Variants in CDH5 observed in about 807,000 individuals in gnomAD.
CDH5 encodes the protein cadherin 5, also known as cadherin-5.
In CDH5, 28 loss-of-function variants were observed where a neutral mutation model predicts 62.0. That is an observed-to-expected ratio of 0.45 (90% CI 0.33 to 0.62). The LOEUF is 0.62. CDH5 is among the 20% of genes least tolerant of loss of function. CDH5 has a pLI of 0.02. For synonymous variants in CDH5, 464 were observed against 445.8 expected, an observed-to-expected ratio of 1.04 and a Z score of -0.52; for missense variants, 940 against 1,065.1, an observed-to-expected ratio of 0.88 and a Z score of 1.63.
intron 10 of CDH5, 152 bp from the exon 11 acceptor site, chr16:66,400,619 A>T: frequency 1.2e-6 from 1 of 832,774 alleles, no homozygotes; most frequent in Non-Finnish European, 2.0e-6. Flanking sequence ...CTGCACTCAG[A>T]TGGCTGAAAC....
At chr16:66,388,289 C>A in intron 3 of CDH5, 35 bp from the exon 4 acceptor site, 2 of 1,404,270 alleles carry the variant, frequency 1.4e-6, no homozygotes, top group Non-Finnish European at 2.0e-6. Context: ...GCCTAGCAGT[C>A]ACAAGTCAGC....
rs987565524 is a variant in CDH5, at chr16:66,403,428, AC to A, written c.*262del. On this transcript the variant is annotated 3_prime_UTR_variant, in exon 12 of 12. Transcript: ENST00000341529. The surrounding 1 kb of genome is among the most constrained non-coding windows in gnomAD (Gnocchi z 4.3). ...CTGTCTGGGCTCAGACATCCACATA[AC>A]CCTGTCACCCACAGACCGCCGTCTA... 1 of 505,000 alleles carries A rather than the reference AC, an allele frequency of 2.0e-6. No individual in the cohort carries two copies. Among genetic ancestry groups the A allele is most frequent in the Non-Finnish European group, 3.6e-6 (1 of 280,108 alleles). The allele number at this position is 505,000 out of a possible 1,614,324, so 31.3% of individuals were successfully genotyped here. A position where few individuals can be genotyped will look rare whatever the true frequency, so the allele number is the denominator to read the frequency against.
rs766406308 is a variant in CDH5, at chr16:66,400,933, CCTT to C, written c.1757_1759del (p.Phe586del). 1.2e-5 allele frequency: 19 copies of C among 1,614,090 alleles called. No individual in the cohort carries two copies. In the Admixed American group the frequency reaches 3.2e-4, roughly 27 times the overall value. On this transcript the variant is annotated inframe_deletion, in exon 11 of 12. Transcript: ENST00000341529. The stretch of plus-strand genomic sequence containing the variant: ...AAGTGCAACGAGCAGGGCGAGTTCA[CCTT>C]CTGCGAGGATATGGCCGCCCAGGTG...
At chr16:66,400,185 C>A (rs9934228) in intron 10 of CDH5, among the ~76,000 whole-genome samples, 1 of 152,138 alleles carries the variant, frequency 6.6e-6, no homozygotes, top group South Asian at 2.1e-4. Context: ...GGAAGGTGGG[C>A]GGGGCCAATA....
Position 66,400,958 on chromosome 16 carries a change from G to A in CDH5, c.1779G>A (p.Gln593=), listed in dbSNP as rs776655400. The A allele has an allele frequency of 4.3e-6, 7 of 1,614,172 alleles. 1 individual carries two copies. Among genetic ancestry groups the A allele is most frequent in the South Asian group, 2.2e-5 (2 of 91,088 alleles). ...CCTTCTGCGAGGATATGGCCGCCCA[G>A]GTGGGCGTGAGCATCCAGGCAGTGG... ...EFTFCEDMAA[Q]VGVSIQAVVA... Residue 593 remains glutamine, a synonymous_variant, in exon 11 of 12, where the codon CAG becomes CAA. Transcript: ENST00000341529.
Position 66,386,946 on chromosome 16 carries a change from C to T in CDH5, c.348C>T (p.Tyr116=), listed in dbSNP as rs1960995178. The change falls in exon 3 of 12, where the codon TAC becomes TAT. Residue 116 remains tyrosine (Y), a synonymous_variant. Coordinates refer to ENST00000341529, the MANE Select transcript of CDH5 (RefSeq NM_001795.5). Reference sequence around the variant, plus strand: ...TGGACCGGGAGAATATCTCAGAGTACCACCTCACTGCTGTCATTGTGGACA... The same window carrying T: ...TGGACCGGGAGAATATCTCAGAGTATCACCTCACTGCTGTCATTGTGGACA... ...ERLDRENISE[Y]HLTAVIVDKD... is the part of the protein sequence containing the mutation. 6.2e-7 allele frequency: 1 copy of T among 1,614,210 alleles called. No individual in the cohort carries two copies.
rs753946195 is a variant in CDH5, at chr16:66,392,365, C to T, written c.1199C>T (p.Ala400Val). The stretch of plus-strand genomic sequence containing the variant: ...ACAGTGCTGGCCATGGACCCTGATG[C>T]GGCTAGGCATAGCATTGGGTAAGGG... Reference protein sequence around the residue: ...IGTVLAMDPDAARHSIGYSIR... With the variant: ...IGTVLAMDPDVARHSIGYSIR... Residue 400 changes from alanine to valine, a missense_variant, in exon 7 of 12, where the codon GCG (alanine) becomes GTG (valine). Ala to Val is a moderately conservative substitution (Grantham distance 64). Transcript: ENST00000341529. 10 of 1,614,014 alleles carry T rather than the reference C, an allele frequency of 6.2e-6. No individual in the cohort carries two copies. Among genetic ancestry groups the T allele is most frequent in the Admixed American group, 3.3e-5 (2 of 59,998 alleles).
chr16:66,397,599 G>A (rs767623936), intron 8 of CDH5, among the ~76,000 whole-genome samples: 6 of 151,886 alleles, frequency 4.0e-5, no homozygotes, highest in South Asian at 2.1e-4. Flanking sequence ...AGTCTTTTCC[G>A]GTAGCCTAGT....
In CDH5 at chr16:66,389,470, C is replaced by A. The variant is rs758374402; in HGVS notation, c.729C>A (p.Thr243=). ...TCCGGGGGGACTCGGGCACGGCCAC[C>A]GTGCTGGTCACTCTGCAAGACATCA... The part of the protein sequence containing the change: ...QGLRGDSGTA[T]VLVTLQDIND... The change falls in exon 5 of 12, where the codon ACC becomes ACA. Residue 243 remains threonine, a synonymous_variant. Transcript: ENST00000341529. 6.2e-7 allele frequency: 1 copy of A among 1,612,526 alleles called. No individual in the cohort carries two copies. The highest frequency in any genetic ancestry group is 1.3e-5 in the African/African-American group (1 of 75,006).
intron 1 of CDH5, among the ~76,000 whole-genome samples, chr16:66,369,768 C>T (rs1960651409): frequency 6.6e-6 from 1 of 152,146 alleles, no homozygotes; most frequent in Non-Finnish European, 1.5e-5. Flanking sequence ...CCAGTTGGTA[C>T]CCTCTACCTT....
chr16:66,380,352 ATGG>A (rs1481262141), intron 2 of CDH5, among the ~76,000 whole-genome samples: 13 of 142,256 alleles, frequency 9.1e-5, no homozygotes. Flanking sequence ...ATGGTGGGTG[ATGG>A]TGGTGATGAT....
chr16:66,384,921 G>A (rs7500475), intron 2 of CDH5, among the ~76,000 whole-genome samples: 44,079 of 151,908 alleles, frequency 0.29, 6,670 homozygotes, highest in Non-Finnish European at 0.32. Flanking sequence ...AGCCAAGATC[G>A]TGCCACTGCA....
At position 66,397,999 on chromosome 16, in the gene CDH5, G is replaced by A. The variant is rs1254196051; in HGVS notation, c.1378G>A (p.Glu460Lys). The A allele has an allele frequency of 6.2e-7, 1 of 1,614,192 alleles. No homozygotes were observed. Among genetic ancestry groups the A allele is most frequent in the Admixed American group, 1.7e-5 (1 of 60,028 alleles). ...LDSTGTPTGKESIVQVHIEVL... is the reference protein window; with the variant it reads ...LDSTGTPTGKKSIVQVHIEVL... The stretch of plus-strand genomic sequence containing the variant: ...CCCTGCAGGAACCCCCACAGGAAAA[G>A]AATCCATTGTGCAAGTCCACATTGA... The change falls in exon 9 of 12, where the codon GAA becomes AAA. Residue 460 changes from glutamate (E) to lysine (K), a missense_variant. By Grantham distance (56) the Glu-to-Lys change is moderately conservative. Coordinates refer to ENST00000341529, the MANE Select transcript of CDH5 (RefSeq NM_001795.5).
At position 66,404,136 on chromosome 16, in the gene CDH5, G is replaced by A. The variant is rs1195205532; in HGVS notation, c.*967G>A. 1 of 152,662 alleles carries A rather than the reference G, an allele frequency of 6.6e-6. No homozygotes were observed. Among genetic ancestry groups the A allele is most frequent in the Non-Finnish European group, 1.5e-5 (1 of 68,078 alleles). The allele number at this position is 152,662 out of a possible 1,614,324, so 9.5% of individuals were successfully genotyped here. On this transcript the variant is annotated 3_prime_UTR_variant, in exon 12 of 12. Transcript: ENST00000341529. ...TTTCTCTGTCTACTCCTTATCCCTT[G>A]GTTTAGAGGAACCCAAGATGTGGCC... is the stretch of plus-strand genomic sequence containing the variant.
chr16:66,403,248 C>A lies in CDH5; in HGVS notation c.*79C>A. 2 of 1,348,956 alleles carry A rather than the reference C, an allele frequency of 1.5e-6. No individual in the cohort carries two copies. The highest frequency in any genetic ancestry group is 2.0e-6 in the Non-Finnish European group (2 of 995,396). 83.6% of individuals were successfully genotyped at this position (1,348,956 alleles called of 1,614,324 possible). A position where few individuals can be genotyped will look rare whatever the true frequency, so the allele number is the denominator to read the frequency against. On this transcript the variant is annotated 3_prime_UTR_variant, in exon 12 of 12. Transcript: ENST00000341529. This position sits in a 1 kb window ranked among gnomAD's most constrained non-coding sequence, Gnocchi z 4.3. The stretch of plus-strand genomic sequence containing the variant: ...GTCAGACGCCAGGCACCACAGCCTC[C>A]AAAAATGGCAGTGACTCCCCAGCCC...
rs1264195992 is a variant in CDH5, at chr16:66,379,299, T to C, written c.-19-20T>C. On this transcript the variant is annotated intron_variant, in intron 1 of 11. Transcript: ENST00000341529. The stretch of plus-strand genomic sequence containing the variant: ...TCATCGTCACTGGCCAGAGTCTGAA[T>C]GTGTCTCCTCTTTCCCCAGATCTGT... 3.2e-6 allele frequency: 5 copies of C among 1,551,008 alleles called. No individual in the cohort carries two copies. The highest frequency in any genetic ancestry group is 1.2e-5 in the South Asian group (1 of 86,454).
At chr16:66,368,428 G>A (rs1015015581) in intron 1 of CDH5, among the ~76,000 whole-genome samples, 2 of 152,238 alleles carry the variant, frequency 1.3e-5, no homozygotes, top group Admixed American at 1.3e-4. Flanking sequence ...CCCGCCTGCA[G>A]CCTCAGCCTG....
In CDH5 at chr16:66,386,989, C is replaced by A. The variant is rs1387715418; in HGVS notation, c.391C>A (p.Leu131Met). ...VIVDKDTGEN[L>M]ETPSSFTIKV... Reference sequence around the variant, plus strand: ...TGTGGACAAGGACACTGGCGAAAACCTGGAGACTCCTTCCAGCTTCACCAT... The same window carrying A: ...TGTGGACAAGGACACTGGCGAAAACATGGAGACTCCTTCCAGCTTCACCAT... The change falls in exon 3 of 12, where the codon CTG becomes ATG. Residue 131 changes from leucine to methionine, a missense_variant. Coordinates refer to ENST00000341529, the MANE Select transcript of CDH5 (RefSeq NM_001795.5). 3 of 1,614,138 alleles carry A rather than the reference C, an allele frequency of 1.9e-6. No individual in the cohort carries two copies. Among genetic ancestry groups the A allele is most frequent in the African/African-American group, 1.3e-5 (1 of 75,030 alleles).
rs747840566 is a variant in CDH5, at chr16:66,392,401, G to T, written c.1217+18G>T. On this transcript the variant is annotated intron_variant, in intron 7 of 11. Coordinates refer to ENST00000341529, the MANE Select transcript of CDH5 (RefSeq NM_001795.5). ...AGCATTGGGTAAGGGGGCGTGTGTC[G>T]ATGAGAATGATAAGGACAATCCGGC... 4 of 1,613,578 alleles carry T rather than the reference G, an allele frequency of 2.5e-6. No individual in the cohort carries two copies. The highest frequency in any genetic ancestry group is 3.4e-6 in the Non-Finnish European group (4 of 1,179,750).
Sources: gnomAD v4.1 joint callset for allele counts (sites outside exome capture counted in the v4.1 genomes callset) on GRCh38, gnomAD v4.1.1 for gene constraint, Gnocchi (gnomAD v3.1) non-coding constraint, MANE v1.5 for transcripts, NCBI Gene and HGNC (gene_info 2026-07-23, HGNC 2026-07-21) for gene names.